The following SHANK2 variants were observed in gnomAD, a reference collection of about 807,000 sequenced individuals.
SHANK2 encodes SH3 and multiple ankyrin repeat domains protein 2.
SHANK2 carries 43 observed loss-of-function variants against 133.7 expected under a neutral mutation model. The observed-to-expected ratio is 0.32, with a 90% CI of 0.25 to 0.41. The LOEUF (loss-of-function observed/expected upper bound fraction) is 0.41, where lower values mean the gene tolerates loss of function less well. Ranked by LOEUF, SHANK2 falls within the 10% of genes least tolerant of loss-of-function variation. The pLI, the probability that SHANK2 is intolerant of heterozygous loss-of-function variation, is 1.00. For missense variants in SHANK2, 1,994 were observed against 2,235.8 expected (o/e 0.89, Z 2.18); for synonymous variants, 1,017 against 952.8 (o/e 1.07, Z -1.24).
intron 17 of SHANK2, among the ~76,000 whole-genome samples, chr11:70,606,457 C>A (rs999836247): frequency 1.5e-5 from 2 of 130,802 alleles, no homozygotes; most frequent in Non-Finnish European, 3.1e-5. Flanking sequence ...GGGGGTGTCA[C>A]GTGATTGTAC....
At chr11:70,552,975 C>A (rs1229806326) in intron 17 of SHANK2, among the ~76,000 whole-genome samples, 1 of 152,188 alleles carries the variant, frequency 6.6e-6, no homozygotes, top group Non-Finnish European at 1.5e-5. Context: ...TGGATGGCCG[C>A]CTTCCCCCGT....
Position 70,620,989 on chromosome 11 carries a change from C to T in SHANK2, c.2061+38839G>A, listed in dbSNP as rs544237300. On this transcript the variant is annotated intron_variant, in intron 17 of 25. Coordinates refer to ENST00000601538, the MANE Select transcript of SHANK2 (RefSeq NM_012309.5). ...ATAAGACATGTGGGGTCCGGTATGACGTAATATCTGTGTGACCACAACAGG... is the reference window on the plus strand; with the variant it reads ...ATAAGACATGTGGGGTCCGGTATGATGTAATATCTGTGTGACCACAACAGG... Among the ~76,000 whole-genome samples the T allele has an allele frequency of 1.5e-3, 223 of 152,302 alleles. 2 individuals carry two copies. Among genetic ancestry groups the T allele is most frequent in the African/African-American group, 4.6e-3 (192 of 41,564 alleles).
chr11:70,555,174 G>T (rs1266358409), intron 17 of SHANK2, among the ~76,000 whole-genome samples: 1 of 152,014 alleles, frequency 6.6e-6, no homozygotes, highest in Non-Finnish European at 1.5e-5. Flanking sequence ...CTGCTCCACC[G>T]ACTGTCCACT....
intron 17 of SHANK2, among the ~76,000 whole-genome samples, chr11:70,561,541 G>A (rs1328717459): frequency 1.3e-5 from 2 of 151,474 alleles, no homozygotes; most frequent in Non-Finnish European, 2.9e-5. Context: ...TGTTGTTGTT[G>A]TTGCTGAGAC....
chr11:70,774,478 C>T (rs781986320), intron 14 of SHANK2, among the ~76,000 whole-genome samples: 5 of 152,210 alleles, frequency 3.3e-5, no homozygotes, highest in African/African-American at 4.8e-5. Flanking sequence ...TACCACCATA[C>T]CCAGCTAATT....
intron 14 of SHANK2, among the ~76,000 whole-genome samples, chr11:70,734,882 G>T (rs114115977): frequency 6.6e-6 from 1 of 152,238 alleles, no homozygotes; most frequent in Non-Finnish European, 1.5e-5. Flanking sequence ...GAAGGAAAGA[G>T]AAATTCTGCC....
chr11:70,480,939 C>G (rs782214715), intron 25 of SHANK2, among the ~76,000 whole-genome samples: 1 of 152,230 alleles, frequency 6.6e-6, no homozygotes. Context: ...GGACCCCCAG[C>G]GTGCAGCACT....
intron 3 of SHANK2, among the ~76,000 whole-genome samples, 169 bp downstream of exon 3, chr11:71,146,951 G>T (rs529920773): frequency 6.6e-6 from 1 of 152,154 alleles, no homozygotes; most frequent in Non-Finnish European, 1.5e-5. Flanking sequence ...AGGCGGGCAC[G>T]GCAGGGAGCC....
intron 11 of SHANK2, chr11:70,863,813 A>G (rs1555068438): frequency 2.2e-6 from 1 of 457,736 alleles, no homozygotes; most frequent in Non-Finnish European, 4.4e-6. Context: ...AGAAGAGGAA[A>G]CCTGGACAGA....
At chr11:71,130,473 G>C (rs1555103474) in intron 3 of SHANK2, among the ~76,000 whole-genome samples, 3 of 152,240 alleles carry the variant, frequency 2.0e-5, no homozygotes, top group African/African-American at 7.2e-5. Context: ...AAATGGCGAT[G>C]ATGACGGGTG....
chr11:71,128,019 G>A (rs1217173550), intron 3 of SHANK2, among the ~76,000 whole-genome samples: 4 of 152,184 alleles, frequency 2.6e-5, no homozygotes, highest in African/African-American at 9.6e-5. Context: ...GTCTCACGAT[G>A]TCATCTCCCT....
At chr11:70,514,304 C>T (rs1001523849) in intron 17 of SHANK2, among the ~76,000 whole-genome samples, 1 of 152,060 alleles carries the variant, frequency 6.6e-6, no homozygotes, top group South Asian at 2.1e-4. Context: ...TTAAAGAATA[C>T]AGGCAAAATA....
Position 71,133,346 on chromosome 11 carries a change from A to ATGGATGGCTGGCTGGCTGGCTGGC in SHANK2, c.207+13773_207+13774insGCCAGCCAGCCAGCCAGCCATCCA, listed in dbSNP as rs1172807204. 5.8e-3 allele frequency among the ~76,000 whole-genome samples: 645 copies of ATGGATGGCTGGCTGGCTGGCTGGC among 111,956 alleles called. 42 individuals carry two copies. The highest frequency in any genetic ancestry group is 0.022 in the African/African-American group (609 of 27,130). The allele number at this position is 111,956 out of a possible 152,430, so 73.4% of individuals were successfully genotyped here. On this transcript the variant is annotated intron_variant, in intron 3 of 25. Transcript: ENST00000601538. Reference sequence around the variant, plus strand: ...GGTAGGTGGGTGGCTGGGAGGATGCATGGCTGGCTGGCTGGCTGGCTGGGT... The same window carrying ATGGATGGCTGGCTGGCTGGCTGGC: ...GGTAGGTGGGTGGCTGGGAGGATGCATGGATGGCTGGCTGGCTGGCTGGCTGGCTGGCTGGCTGGCTGGCTGGGT...
intron 11 of SHANK2, among the ~76,000 whole-genome samples, chr11:70,895,814 G>A (rs1949925450): frequency 6.6e-6 from 1 of 152,042 alleles, no homozygotes; most frequent in Admixed American, 6.6e-5. Context: ...ACATTCTCCA[G>A]TTTGATTTCT....
intron 10 of SHANK2, among the ~76,000 whole-genome samples, chr11:70,929,990 T>G (rs2135795064): frequency 6.6e-6 from 1 of 152,330 alleles, no homozygotes; most frequent in Middle Eastern, 3.4e-3. Context: ...CCTTCAGCTT[T>G]GAGGACCACA....
intron 14 of SHANK2, among the ~76,000 whole-genome samples, chr11:70,780,239 T>C (rs1947452596): frequency 6.6e-6 from 1 of 152,106 alleles, no homozygotes; most frequent in Non-Finnish European, 1.5e-5. Flanking sequence ...CCCTGGGGTT[T>C]TGTTGCCTCC....
intron 11 of SHANK2, among the ~76,000 whole-genome samples, chr11:70,870,561 A>G (rs1237105752): frequency 6.6e-6 from 1 of 151,968 alleles, no homozygotes; most frequent in East Asian, 1.9e-4. Flanking sequence ...ATGGTTCTGG[A>G]GGTTGGAAGT....
chr11:71,191,896 T>C (rs994985163), intron 2 of SHANK2, among the ~76,000 whole-genome samples: 4 of 152,012 alleles, frequency 2.6e-5, no homozygotes, highest in African/African-American at 9.7e-5. Flanking sequence ...AGTCTCGCTC[T>C]GTCGCCCAGG....
chr11:71,081,239 G>A lies in SHANK2; in HGVS notation c.913-5964C>T, dbSNP rs1008695757. Among the ~76,000 whole-genome samples, 264 of 152,274 alleles carry A rather than the reference G, an allele frequency of 1.7e-3. 1 individual carries two copies. Among genetic ancestry groups the A allele is most frequent in the African/African-American group, 6.1e-3 (254 of 41,566 alleles). Reference sequence around the variant, plus strand: ...GAGGAACCAGCCCTGCGACGCCTTCGTTTGGGACTCCAGCCTCCAGAACTG... The same window carrying A: ...GAGGAACCAGCCCTGCGACGCCTTCATTTGGGACTCCAGCCTCCAGAACTG... On this transcript the variant is annotated intron_variant, in intron 8 of 25. Transcript: ENST00000601538.
Sources: gnomAD v4.1 joint callset for allele counts (sites outside exome capture counted in the v4.1 genomes callset) on GRCh38, gnomAD v4.1.1 for gene constraint, MANE v1.5 for transcripts, NCBI Gene and HGNC (gene_info 2026-07-23, HGNC 2026-07-21) for gene names.